Variants in RFX4 observed in about 807,000 individuals in gnomAD.
RFX4 encodes transcription factor RFX4.
RFX4 carries 10 observed loss-of-function variants against 95.0 expected under a neutral mutation model. The observed-to-expected ratio is 0.11, with a 90% CI of 0.06 to 0.18. The LOEUF (loss-of-function observed/expected upper bound fraction) is 0.18. Among genes scored for constraint, RFX4 ranks in the 10% least tolerant of loss-of-function variants. The pLI is 1.00. For missense variants in RFX4, 640 were observed against 922.0 expected (o/e 0.69, Z 3.96); for synonymous variants, 321 against 340.7 (o/e 0.94, Z 0.64).
chr12:106,711,338 G>A, intron 9 of RFX4, 115 bp from the exon 10 acceptor site: 1 of 872,452 alleles, frequency 1.1e-6, no homozygotes, highest in Non-Finnish European at 1.9e-6. Context: ...GGATTGGGCA[G>A]TGAGATAAAC....
chr12:106,704,702 A>T (rs577710231), intron 8 of RFX4, among the ~76,000 whole-genome samples: 1 of 152,328 alleles, frequency 6.6e-6, no homozygotes, highest in South Asian at 2.1e-4. Flanking sequence ...TCCCATTTAT[A>T]AGAAAGGGAA....
intron 3 of RFX4, among the ~76,000 whole-genome samples, chr12:106,644,589 A>T (rs2040704181): frequency 6.6e-6 from 1 of 152,138 alleles, no homozygotes; most frequent in Non-Finnish European, 1.5e-5. Context: ...TTGCCATTAC[A>T]AGTAGGGCCT....
intron 1 of RFX4, among the ~76,000 whole-genome samples, chr12:106,584,362 T>A (rs761464400): frequency 3.3e-5 from 5 of 152,150 alleles, no homozygotes; most frequent in African/African-American, 7.2e-5. Context: ...ATTTTCATTT[T>A]GGCCCCCTGC....
intron 4 of RFX4, among the ~76,000 whole-genome samples, chr12:106,657,052 A>C (rs757220063): frequency 6.6e-6 from 1 of 152,200 alleles, no homozygotes; most frequent in Non-Finnish European, 1.5e-5. Flanking sequence ...CTGCCTGCTA[A>C]GGGTTTCCAC....
chr12:106,684,832 G>C, intron 5 of RFX4: 1 of 1,565,520 alleles, frequency 6.4e-7, no homozygotes, highest in Non-Finnish European at 8.7e-7. Context: ...GGCTGCCTTC[G>C]GAGGGTCTGA....
Position 106,761,270 on chromosome 12 carries a change from C to T in RFX4, c.2009C>T (p.Pro670Leu), listed in dbSNP as rs180958237. 1 of 1,614,136 alleles carries T rather than the reference C, an allele frequency of 6.2e-7. No individual in the cohort carries two copies. The highest frequency in any genetic ancestry group is 1.1e-5 in the South Asian group (1 of 91,076). ...AGTACTCCCAGACTGCATCCTACCC[C>T]AGTCACTCCCCGCTGGCCAGAGGTG... ...MSSTPRLHPT[P>L]VTPRWPEVPS... The change falls in exon 18 of 18, where the codon CCA becomes CTA. Residue 670 changes from proline to leucine, a missense_variant. By Grantham distance (98) the Pro-to-Leu change is moderately conservative (BLOSUM62 -3). Around this residue, in one of 7 missense-constraint regions of RFX4, gnomAD observed 300 missense variants for 346.8 expected, o/e 0.87. Coordinates refer to ENST00000392842, the MANE Select transcript of RFX4 (RefSeq NM_213594.3).
chr12:106,689,378 G>A lies in RFX4; in HGVS notation c.669+14G>A, dbSNP rs2041732105. The A allele has an allele frequency of 1.9e-6, 3 of 1,591,120 alleles. No homozygotes were observed. The highest frequency in any genetic ancestry group is 1.7e-6 in the Non-Finnish European group (2 of 1,159,124). ...AACTTTGATGAGGTAGGTCAACAAG[G>A]GTTGAGCTGTGAATACTCGGTATTA... On this transcript the variant is annotated intron_variant, in intron 7 of 17. Transcript: ENST00000392842.
intron 4 of RFX4, among the ~76,000 whole-genome samples, chr12:106,678,470 GT>G (rs773120467): frequency 2.6e-5 from 4 of 152,142 alleles, no homozygotes; most frequent in Admixed American, 6.5e-5. Context: ...AATGATTTAT[GT>G]TTTTAAAAAA....
At chr12:106,702,358 G>T (rs1213180580) in intron 8 of RFX4, among the ~76,000 whole-genome samples, 28 of 152,088 alleles carry the variant, frequency 1.8e-4, no homozygotes, top group Admixed American at 1.8e-3. Context: ...CAGTCTATTC[G>T]GGAGTTCATT....
chr12:106,588,022 C>G (rs1220510806), intron 1 of RFX4, among the ~76,000 whole-genome samples: 1 of 152,206 alleles, frequency 6.6e-6, no homozygotes, highest in Non-Finnish European at 1.5e-5. Context: ...AAGGGTTAGA[C>G]AGCTCACAGG....
rs775908747 is a variant in RFX4 at position 106,732,269 on chromosome 12, G to A, written c.1471+20G>A. On this transcript the variant is annotated intron_variant, in intron 14 of 17. Transcript: ENST00000392842. ...GCACTGGTAAGCCAGCATTTTCCTG[G>A]GAATTGCACCACTTGGTAATGTTAT... 17 of 1,612,816 alleles carry A rather than the reference G, an allele frequency of 1.1e-5. No homozygotes were observed. Among genetic ancestry groups the A allele is most frequent in the Admixed American group, 3.3e-5 (2 of 59,872 alleles).
At chr12:106,601,255 G>C (rs371985974) in intron 1 of RFX4, 3 of 1,574,058 alleles carry the variant, frequency 1.9e-6, no homozygotes, top group Non-Finnish European at 2.6e-6. Context: ...CCAGGAGAGA[G>C]ACAGAAAGGG....
chr12:106,626,486 C>T (rs1017423559), intron 2 of RFX4, among the ~76,000 whole-genome samples: 8 of 152,144 alleles, frequency 5.3e-5, no homozygotes, highest in African/African-American at 1.9e-4. Flanking sequence ...TGAGTTTGGG[C>T]CACATCACTG....
At chr12:106,758,870 G>A (rs1235313781) in intron 17 of RFX4, among the ~76,000 whole-genome samples, 1 of 152,214 alleles carries the variant, frequency 6.6e-6, no homozygotes, top group Admixed American at 6.5e-5. Flanking sequence ...CAGGACACTT[G>A]ATCTCATGGG....
chr12:106,751,336 T>G (rs2043001637), intron 17 of RFX4, among the ~76,000 whole-genome samples: 1 of 141,538 alleles, frequency 7.1e-6, no homozygotes, highest in Non-Finnish European at 1.5e-5. Flanking sequence ...CAGTCTATCA[T>G]TGTTGGACAT....
intron 2 of RFX4, among the ~76,000 whole-genome samples, chr12:106,627,918 G>A (rs371849374): frequency 7.2e-5 from 11 of 152,282 alleles, no homozygotes; most frequent in African/African-American, 2.4e-4. Flanking sequence ...CTAGAGCTAG[G>A]GCAACACTGA....
rs148102487 is a variant in RFX4, at chr12:106,758,319, G to A, written c.1936-2878G>A. ...ATGGTCTCTTCACTACAGGGAAAAC[G>A]AGTCACTGACTCATTTGCAATTAGC... On this transcript the variant is annotated intron_variant, in intron 17 of 17. Coordinates refer to ENST00000392842, the MANE Select transcript of RFX4 (RefSeq NM_213594.3). Among the ~76,000 whole-genome samples the A allele has an allele frequency of 8.1e-3, 1,233 of 152,268 alleles. 3 individuals are homozygous for A. The highest frequency in any genetic ancestry group is 0.012 in the Admixed American group (189 of 15,296).
chr12:106,604,907 A>G (rs371562837), intron 1 of RFX4, among the ~76,000 whole-genome samples: 9 of 152,370 alleles, frequency 5.9e-5, no homozygotes, highest in African/African-American at 2.2e-4. Flanking sequence ...AGGACATAGA[A>G]AAAGGAGAAA....
chr12:106,666,646 A>G (rs1174647699), intron 4 of RFX4, among the ~76,000 whole-genome samples: 2 of 151,940 alleles, frequency 1.3e-5, no homozygotes, highest in Admixed American at 1.3e-4. Context: ...GTTTCTGTTG[A>G]TATCTACACA....
Sources: gnomAD v4.1 joint callset for allele counts (sites outside exome capture counted in the v4.1 genomes callset) on GRCh38, gnomAD v4.1.1 for gene constraint, gnomAD v4.1.1 regional missense constraint, MANE v1.5 for transcripts, NCBI Gene and HGNC (gene_info 2026-07-23, HGNC 2026-07-21) for gene names.